Variants in EPHB1 observed in about 807,000 individuals in gnomAD.
The protein encoded by EPHB1 is EPH receptor B1, also known as ephrin type-B receptor 1.
Under a neutral mutation model 94.4 loss-of-function variants are expected in EPHB1, and 30 were observed. That is an observed-to-expected ratio of 0.32 (90% CI 0.24 to 0.43). EPHB1 has a LOEUF of 0.43. EPHB1 is among the 20% of genes least tolerant of loss of function. The pLI is 1.00. For synonymous variants in EPHB1, 522 were observed against 489.1 expected (o/e 1.07, Z -0.89); for missense variants, 1,055 against 1,308.3 (o/e 0.81, Z 2.99).
intron 12 of EPHB1, among the ~76,000 whole-genome samples, chr3:135,208,789 A>T (rs1383467923): frequency 6.6e-6 from 1 of 152,182 alleles, no homozygotes; most frequent in Non-Finnish European, 1.5e-5. Context: ...ATATAGGCTG[A>T]GAGTGGCTTT....
chr3:135,187,260 A>C (rs984265767), intron 10 of EPHB1, among the ~76,000 whole-genome samples: 1 of 152,254 alleles, frequency 6.6e-6, no homozygotes, highest in African/African-American at 2.4e-5. Context: ...GTGTGAAAAG[A>C]ATCAACCACA....
At chr3:135,142,654 AT>A (rs1252705098) in intron 5 of EPHB1, among the ~76,000 whole-genome samples, 3 of 152,180 alleles carry the variant, frequency 2.0e-5, no homozygotes, top group Non-Finnish European at 4.4e-5. Context: ...TAGACTTGTG[AT>A]TTTGAAAATC....
chr3:135,049,802 G>A (rs1189842732), intron 3 of EPHB1, among the ~76,000 whole-genome samples: 1 of 152,174 alleles, frequency 6.6e-6, no homozygotes, highest in Non-Finnish European at 1.5e-5. Flanking sequence ...GGACACAGGT[G>A]ACGAAACCAG....
At chr3:135,216,806 C>T (rs1166656428) in intron 12 of EPHB1, among the ~76,000 whole-genome samples, 3 of 151,256 alleles carry the variant, frequency 2.0e-5, no homozygotes, top group Non-Finnish European at 4.4e-5. Flanking sequence ...CAAATTAACA[C>T]CTCAATCATT....
chr3:134,864,241 G>A (rs2037325410), intron 1 of EPHB1, among the ~76,000 whole-genome samples: 1 of 152,086 alleles, frequency 6.6e-6, no homozygotes, highest in Admixed American at 6.5e-5. Context: ...CCGTTTTATG[G>A]GTTCTGAAAC....
intron 5 of EPHB1, among the ~76,000 whole-genome samples, chr3:135,135,759 A>G (rs1018073399): frequency 1.3e-5 from 2 of 152,224 alleles, no homozygotes; most frequent in Non-Finnish European, 2.9e-5. Flanking sequence ...GAATTTGACC[A>G]AGAGGAGTCC....
At chr3:134,828,738 G>A (rs2036530291) in intron 1 of EPHB1, among the ~76,000 whole-genome samples, 1 of 152,194 alleles carries the variant, frequency 6.6e-6, no homozygotes, top group Non-Finnish European at 1.5e-5. Context: ...CAGGGAAGGG[G>A]TCTAATGGTG....
intron 3 of EPHB1, among the ~76,000 whole-genome samples, chr3:135,020,310 C>A (rs1935944403): frequency 6.6e-6 from 1 of 152,094 alleles, no homozygotes; most frequent in South Asian, 2.1e-4. Context: ...GTGTACAATT[C>A]AATTCAGTGG....
chr3:135,073,090 GACTTTATAGT>G, intron 3 of EPHB1, among the ~76,000 whole-genome samples: 1 of 150,798 alleles, frequency 6.6e-6, no homozygotes, highest in South Asian at 2.1e-4. Context: ...TTTCTTTTCA[GACTTTATAGT>G]ACCAGATTTT....
chr3:134,834,386 G>C (rs55943226), intron 1 of EPHB1, among the ~76,000 whole-genome samples: 1 of 152,214 alleles, frequency 6.6e-6, no homozygotes, highest in Middle Eastern at 3.4e-3. Context: ...CCAGAGTTAA[G>C]AAAAATTGTT....
chr3:135,092,784 C>G lies in EPHB1; in HGVS notation c.806-13664C>G, dbSNP rs185763780. On this transcript the variant is annotated intron_variant, in intron 3 of 15. Coordinates refer to ENST00000398015, the MANE Select transcript of EPHB1 (RefSeq NM_004441.5). The stretch of plus-strand genomic sequence containing the variant: ...GGGACTACAGGCATGCGCCACTACT[C>G]CTGACTAATTTTTTGTATTTTTAGT... Among the ~76,000 whole-genome samples, 332 of 152,312 alleles carry G rather than the reference C, an allele frequency of 2.2e-3. 2 individuals are homozygous for G. Among genetic ancestry groups the G allele is most frequent in the African/African-American group, 7.4e-3 (307 of 41,560 alleles).
rs530192090 is a variant in EPHB1, at chr3:135,161,906, A to G, written c.1423-112A>G. ...TGGCCTGGAGCTGATGACAACTGCT[A>G]GCAGATATGCAGGACCAAGAAATGA... On this transcript the variant is annotated intron_variant, in intron 6 of 15. Coordinates refer to ENST00000398015, the MANE Select transcript of EPHB1 (RefSeq NM_004441.5). The G allele has an allele frequency of 4.9e-5, 59 of 1,193,174 alleles. No individual in the cohort carries two copies. In the African/African-American group the frequency reaches 8.7e-4, roughly 18 times the overall value. The allele number at this position is 1,193,174 out of a possible 1,614,324, so 73.9% of individuals were successfully genotyped here.
chr3:135,210,059 G>A (rs1942997260), intron 12 of EPHB1, among the ~76,000 whole-genome samples: 1 of 152,214 alleles, frequency 6.6e-6, no homozygotes, highest in Non-Finnish European at 1.5e-5. Flanking sequence ...ATGCTGGAGA[G>A]AAATTGGTTG....
intron 1 of EPHB1, among the ~76,000 whole-genome samples, chr3:134,907,423 G>C (rs1211269550): frequency 6.6e-6 from 1 of 152,170 alleles, no homozygotes; most frequent in East Asian, 1.9e-4. Flanking sequence ...GAAACATAAA[G>C]AAAACACAGC....
intron 3 of EPHB1, among the ~76,000 whole-genome samples, chr3:135,043,646 G>A (rs1936916557): frequency 6.6e-6 from 1 of 152,314 alleles, no homozygotes; most frequent in South Asian, 2.1e-4. Flanking sequence ...AGGATTCCTT[G>A]CACCTGGTGC....
At chr3:135,042,497 C>A (rs928552129) in intron 3 of EPHB1, among the ~76,000 whole-genome samples, 2 of 152,084 alleles carry the variant, frequency 1.3e-5, no homozygotes. Context: ...AAAAAAAATT[C>A]ACTGTTTTGT....
intron 3 of EPHB1, among the ~76,000 whole-genome samples, chr3:135,092,406 C>G (rs1938586948): frequency 1.3e-5 from 2 of 152,182 alleles, no homozygotes; most frequent in African/African-American, 4.8e-5. Context: ...AGGAGTCCAT[C>G]TTGGCTGCTG....
chr3:135,199,765 T>C (rs1014827855), intron 11 of EPHB1, among the ~76,000 whole-genome samples: 1 of 152,252 alleles, frequency 6.6e-6, no homozygotes, highest in African/African-American at 2.4e-5. Context: ...CAACAATTCA[T>C]GCAATCATTG....
At chr3:134,864,864 C>T (rs531770880) in intron 1 of EPHB1, among the ~76,000 whole-genome samples, 18 of 152,298 alleles carry the variant, frequency 1.2e-4, no homozygotes, top group African/African-American at 3.8e-4. Flanking sequence ...AGGGCTGTCC[C>T]GGAGTGGCTC....
Sources: gnomAD v4.1 joint callset for allele counts (sites outside exome capture counted in the v4.1 genomes callset) on GRCh38, gnomAD v4.1.1 for gene constraint, MANE v1.5 for transcripts, NCBI Gene and HGNC (gene_info 2026-07-23, HGNC 2026-07-21) for gene names.